The following OXNAD1 variants were observed in gnomAD, a reference collection of about 807,000 sequenced individuals.
The protein encoded by OXNAD1 is oxidoreductase NAD-binding domain-containing protein 1.
OXNAD1 carries 34 observed loss-of-function variants against 32.9 expected under a neutral mutation model. That is an observed-to-expected ratio of 1.03 (90% CI 0.79 to 1.38). The LOEUF (loss-of-function observed/expected upper bound fraction) is 1.38, where lower values mean the gene tolerates loss of function less well. Ranked by LOEUF, OXNAD1 falls within the 40% of genes most tolerant of loss-of-function variation. OXNAD1 has a pLI of 0.00. For missense variants in OXNAD1, 407 were observed against 379.4 expected (o/e 1.07, Z -0.60); for synonymous variants, 134 against 135.2 (o/e 0.99, Z 0.06).
rs573689460 is a variant in OXNAD1, at chr3:16,302,528, C to T, written c.676-112C>T. The T allele has an allele frequency of 2.7e-5, 19 of 703,424 alleles. No individual in the cohort carries two copies. The highest frequency in any genetic ancestry group is 1.1e-4 in the African/African-American group (6 of 56,002). The allele number at this position is 703,424 out of a possible 1,614,324, so 43.6% of individuals were successfully genotyped here. ...AAACAATATCTCTCTAAGTAGAGAG[C>T]GAGAGCGGCAGACGTGTGCAGAATG... On this transcript the variant is annotated intron_variant, in intron 7 of 8. Coordinates refer to ENST00000285083, the MANE Select transcript of OXNAD1 (RefSeq NM_138381.5). The surrounding 1 kb of genome is among the most constrained non-coding windows in gnomAD (Gnocchi z 4.2).
At chr3:16,278,526 C>T (rs577833989) in intron 4 of OXNAD1, among the ~76,000 whole-genome samples, 4 of 152,184 alleles carry the variant, frequency 2.6e-5, no homozygotes, top group Non-Finnish European at 5.9e-5. Context: ...TTATGCCTCT[C>T]GTTCCTGGTG....
intron 5 of OXNAD1, among the ~76,000 whole-genome samples, chr3:16,291,571 A>G (rs145338799): frequency 1.6e-4 from 25 of 152,310 alleles, no homozygotes; most frequent in African/African-American, 5.5e-4. Flanking sequence ...GGGTTCATCT[A>G]TGTTGTAGCC....
rs994176197 is a variant in OXNAD1, at chr3:16,291,153, T to A, written c.291-3703T>A. 4.9e-4 allele frequency among the ~76,000 whole-genome samples: 74 copies of A among 152,212 alleles called. 1 individual carries two copies. Among genetic ancestry groups the A allele is most frequent in the Non-Finnish European group, 4.4e-5 (3 of 68,030 alleles). ...GAAGAAAAGAAGGAAACGTTAAGACTTGTGTAACTCAGAGGCCATATCGGC... is the reference window on the plus strand; with the variant it reads ...GAAGAAAAGAAGGAAACGTTAAGACATGTGTAACTCAGAGGCCATATCGGC... On this transcript the variant is annotated intron_variant, in intron 5 of 8. Coordinates refer to ENST00000285083, the MANE Select transcript of OXNAD1 (RefSeq NM_138381.5).
rs117572005 is a variant in OXNAD1, at chr3:16,303,890, A to G, written c.*328A>G. 7.0e-4 allele frequency: 118 copies of G among 167,880 alleles called. No individual in the cohort carries two copies. The East Asian group carries it at 0.016, about 23-fold the overall frequency. The allele number at this position is 167,880 out of a possible 1,614,324, so 10.4% of individuals were successfully genotyped here. A position where few individuals can be genotyped will look rare whatever the true frequency, so the allele number is the denominator to read the frequency against. Reference sequence around the variant, plus strand: ...AAAAGATATATACTTATGTCTAATCATAGGAAAATGTGATTTTTGAGTATA... The same window carrying G: ...AAAAGATATATACTTATGTCTAATCGTAGGAAAATGTGATTTTTGAGTATA... On this transcript the variant is annotated 3_prime_UTR_variant, in exon 9 of 9. Coordinates refer to ENST00000285083, the MANE Select transcript of OXNAD1 (RefSeq NM_138381.5). This position sits in a 1 kb window ranked among gnomAD's most constrained non-coding sequence, Gnocchi z 4.8.
chr3:16,275,153 C>T, intron 4 of OXNAD1: 1 of 176,124 alleles, frequency 5.7e-6, no homozygotes, highest in Non-Finnish European at 1.3e-5. Context: ...CTTATAAGAA[C>T]TTCCAAAGAC....
chr3:16,337,293 A>T lies in OXNAD1; in HGVS notation c.*212A>T, dbSNP rs757379375. ...TTTCCTAAAAGTTGAAGGAAAAATC[A>T]CCCAGCTGACCTGTTTGGGTTATGA... On this transcript the variant is annotated 3_prime_UTR_variant, in exon 10 of 10. Transcript: ENST00000435829. The surrounding 1 kb of genome is among the most constrained non-coding windows in gnomAD (Gnocchi z 5.0). 6.6e-6 allele frequency: 1 copy of T among 152,214 alleles called. No homozygotes were observed. The allele number at this position is 152,214 out of a possible 1,614,324, so 9.4% of individuals were successfully genotyped here.
At position 16,316,478 on chromosome 3, in the gene OXNAD1, C is replaced by G. The variant is rs150410164; in HGVS notation, c.*30+12886C>G. Reference sequence around the variant, plus strand: ...GCCCAGGGTGTCCATGGATTTGACCCGAATGCTCCCTGGAGGCCCTGTGGC... The same window carrying G: ...GCCCAGGGTGTCCATGGATTTGACCGGAATGCTCCCTGGAGGCCCTGTGGC... On this transcript the variant is annotated intron_variant, in intron 9 of 9. Transcript: ENST00000435829. This position sits in a 1 kb window ranked among gnomAD's most constrained non-coding sequence, Gnocchi z 4.5. 1 of 321,866 alleles carries G rather than the reference C, an allele frequency of 3.1e-6. No homozygotes were observed. Among genetic ancestry groups the G allele is most frequent in the East Asian group, 9.6e-5 (1 of 10,418 alleles). The allele number at this position is 321,866 out of a possible 1,614,324, so 19.9% of individuals were successfully genotyped here. A position where few individuals can be genotyped will look rare whatever the true frequency, so the allele number is the denominator to read the frequency against.
Position 16,345,817 on chromosome 3 carries a change from TGCGCGCGCGCGTGCGCGCAC to T in OXNAD1, c.*31-3354_*31-3335del, listed in dbSNP as rs2071650937. ...GTGTGTGTGTGTGTGTGTGTGTGTG[TGCGCGCGCGCGTGCGCGCAC>T]GCGCACATGTGCATGTGTATGTGTA... On this transcript the variant is annotated intron_variant, in intron 9 of 9. Coordinates refer to the OXNAD1 transcript ENST00000606098. This position sits in a 1 kb window ranked among gnomAD's most constrained non-coding sequence, Gnocchi z 5.2. 4.0e-5 allele frequency among the ~76,000 whole-genome samples: 3 copies of T among 74,540 alleles called. No individual in the cohort carries two copies. Among genetic ancestry groups the T allele is most frequent in the African/African-American group, 1.1e-4 (2 of 18,090 alleles). 48.9% of individuals were successfully genotyped at this position (74,540 alleles called of 152,430 possible).
chr3:16,319,727 G>T (rs75114931), intron 9 of OXNAD1, among the ~76,000 whole-genome samples: 1 of 152,174 alleles, frequency 6.6e-6, no homozygotes, highest in Non-Finnish European at 1.5e-5. Flanking sequence ...AACACAAATG[G>T]TAGAAAACAA....
rs1326997138 is a variant in OXNAD1, at chr3:16,287,513, T to A, written c.290+1065T>A. 6.6e-6 allele frequency among the ~76,000 whole-genome samples: 1 copy of A among 152,240 alleles called. No individual in the cohort carries two copies. Among genetic ancestry groups the A allele is most frequent in the African/African-American group, 2.4e-5 (1 of 41,460 alleles). On this transcript the variant is annotated intron_variant, in intron 5 of 8. Coordinates refer to ENST00000285083, the MANE Select transcript of OXNAD1 (RefSeq NM_138381.5). This position sits in a 1 kb window ranked among gnomAD's most constrained non-coding sequence, Gnocchi z 4.8. The stretch of plus-strand genomic sequence containing the variant: ...TGCCTGTTTTAGGGGGCGGGCAACA[T>A]ATTTACCCTTCAAAAATGGTTTAGC...
rs1011429521 is a variant in OXNAD1 at position 16,314,472 on chromosome 3, G to A, written c.*30+10880G>A. On this transcript the variant is annotated intron_variant, in intron 9 of 9. Coordinates refer to the OXNAD1 transcript ENST00000435829. This position sits in a 1 kb window ranked among gnomAD's most constrained non-coding sequence, Gnocchi z 4.4. ...AGCTTTTAAAAATCCTGATGCCCAC[G>A]CCACTCCCCAGATCATTCATTCACA... 7 of 152,060 alleles carry A rather than the reference G, an allele frequency of 4.6e-5. No individual in the cohort carries two copies. The highest frequency in any genetic ancestry group is 1.4e-4 in the African/African-American group (6 of 41,394). 9.4% of individuals were successfully genotyped at this position (152,060 alleles called of 1,614,324 possible).
In OXNAD1 at chr3:16,295,013, G is replaced by T. The variant is rs773265131; in HGVS notation, c.432+16G>T. On this transcript the variant is annotated intron_variant, in intron 6 of 8. Transcript: ENST00000285083. Reference sequence around the variant, plus strand: ...TCACAATACGGTAAGCACACTGCCTGTTTAAACGCGATGATCTGGGTATCT... The same window carrying T: ...TCACAATACGGTAAGCACACTGCCTTTTTAAACGCGATGATCTGGGTATCT... 10 of 1,589,596 alleles carry T rather than the reference G, an allele frequency of 6.3e-6. No homozygotes were observed. The highest frequency in any genetic ancestry group is 8.6e-6 in the Non-Finnish European group (10 of 1,168,456).
rs1314651629 is a variant in OXNAD1 at position 16,288,516 on chromosome 3, T to C, written c.290+2068T>C. Among the ~76,000 whole-genome samples, 2 of 152,186 alleles carry C rather than the reference T, an allele frequency of 1.3e-5. No homozygotes were observed. Among genetic ancestry groups the C allele is most frequent in the Non-Finnish European group, 2.9e-5 (2 of 68,032 alleles). On this transcript the variant is annotated intron_variant, in intron 5 of 8. Coordinates refer to ENST00000285083, the MANE Select transcript of OXNAD1 (RefSeq NM_138381.5). The surrounding 1 kb of genome is among the most constrained non-coding windows in gnomAD (Gnocchi z 5.1). ...GACTAGCTGGAGCTTTGGCCACAGATCCCCATGTAGACACCTTCAGCATAG... is the reference window on the plus strand; with the variant it reads ...GACTAGCTGGAGCTTTGGCCACAGACCCCCATGTAGACACCTTCAGCATAG...
rs2067354246 is a variant in OXNAD1, at chr3:16,303,774, A to G, written c.*212A>G. The stretch of plus-strand genomic sequence containing the variant: ...CTCAGTGATCAAACTATTTTTTACT[A>G]TACTGATTTTCTGTTATTAACAACG... On this transcript the variant is annotated 3_prime_UTR_variant, in exon 9 of 9. Transcript: ENST00000285083. This position sits in a 1 kb window ranked among gnomAD's most constrained non-coding sequence, Gnocchi z 4.8. The G allele has an allele frequency of 7.0e-6, 3 of 427,702 alleles. No individual in the cohort carries two copies. Among genetic ancestry groups the G allele is most frequent in the Non-Finnish European group, 1.2e-5 (3 of 242,464 alleles). 26.5% of individuals were successfully genotyped at this position (427,702 alleles called of 1,614,324 possible). A position where few individuals can be genotyped will look rare whatever the true frequency, so the allele number is the denominator to read the frequency against.
At chr3:16,272,046 C>A in intron 4 of OXNAD1, 3 of 463,362 alleles carry the variant, frequency 6.5e-6, no homozygotes, top group Non-Finnish European at 8.0e-6. Context: ...TTAAAGCCTA[C>A]ATTTTATGAA....
chr3:16,292,205 T>A (rs2066476644), intron 5 of OXNAD1, among the ~76,000 whole-genome samples: 1 of 150,986 alleles, frequency 6.6e-6, no homozygotes, highest in African/African-American at 2.4e-5. Context: ...TTTTTTTTTT[T>A]TTTTGAAATG....
rs2064946902 is a variant in OXNAD1 at position 16,271,594 on chromosome 3, A to G, written c.120-65A>G. The G allele has an allele frequency of 1.5e-6, 2 of 1,316,454 alleles. No homozygotes were observed. Among genetic ancestry groups the G allele is most frequent in the Admixed American group, 2.2e-5 (1 of 44,798 alleles). 81.5% of individuals were successfully genotyped at this position (1,316,454 alleles called of 1,614,324 possible). A position where few individuals can be genotyped will look rare whatever the true frequency, so the allele number is the denominator to read the frequency against. On this transcript the variant is annotated intron_variant, in intron 3 of 8. Coordinates refer to ENST00000285083, the MANE Select transcript of OXNAD1 (RefSeq NM_138381.5). This position sits in a 1 kb window ranked among gnomAD's most constrained non-coding sequence, Gnocchi z 4.6. ...TTTAGGATAACCATGATATTTCAGG[A>G]AAAACTAATTTTATTATTTTTATGA...
rs188565845 is a variant in OXNAD1 at position 16,303,250 on chromosome 3, G to T, written c.785-158G>T. ...GGAGATGCACTCTGCTTGGGTCTGGGCCCAGATGCCAATAGGAGCCATACT... is the reference window on the plus strand; with the variant it reads ...GGAGATGCACTCTGCTTGGGTCTGGTCCCAGATGCCAATAGGAGCCATACT... On this transcript the variant is annotated intron_variant, in intron 8 of 8. Coordinates refer to ENST00000285083, the MANE Select transcript of OXNAD1 (RefSeq NM_138381.5). This position sits in a 1 kb window ranked among gnomAD's most constrained non-coding sequence, Gnocchi z 4.8. Among the ~76,000 whole-genome samples, 48 of 152,218 alleles carry T rather than the reference G, an allele frequency of 3.2e-4. No homozygotes were observed. The highest frequency in any genetic ancestry group is 6.6e-4 in the Non-Finnish European group (45 of 68,004).
downstream of OXNAD1, among the ~76,000 whole-genome samples, chr3:16,310,840 A>G (rs1575179425): frequency 3.9e-5 from 6 of 152,132 alleles, 1 homozygote; most frequent in East Asian, 1.9e-4. Context: ...TAATGTAAAA[A>G]TTAGCCGGGC....
Sources: gnomAD v4.1 joint callset for allele counts (sites outside exome capture counted in the v4.1 genomes callset) on GRCh38, gnomAD v4.1.1 for gene constraint, Gnocchi (gnomAD v3.1) non-coding constraint, MANE v1.5 for transcripts, NCBI Gene and HGNC (gene_info 2026-07-23, HGNC 2026-07-21) for gene names.